GNB1: variants seen among roughly 807,000 people sequenced by gnomAD.
The protein encoded by GNB1 is G protein subunit beta 1.
GNB1 carries 2 observed loss-of-function variants against 42.9 expected under a neutral mutation model. The observed-to-expected ratio is 0.05, with a 90% CI of 0.02 to 0.15. The LOEUF is 0.15. GNB1 is among the 10% of genes least tolerant of loss of function. The pLI is 1.00. For synonymous variants in GNB1, 183 were observed against 174.7 expected, an observed-to-expected ratio of 1.05 and a Z score of -0.38; for missense variants, 193 against 462.2, an observed-to-expected ratio of 0.42 and a Z score of 5.34.
At chr1:1,886,925 G>A (rs1363946741) in intron 1 of GNB1, among the ~76,000 whole-genome samples, 2 of 152,150 alleles carry the variant, frequency 1.3e-5, no homozygotes, top group African/African-American at 4.8e-5. Context: ...GTGTTAGCCA[G>A]GGTGGTCTCG....
In GNB1 at chr1:1,785,736, ACTCCCTCTCC is replaced by A. The variant is rs1646396619; in HGVS notation, c.*1317_*1326del. 1.5e-5 allele frequency: 5 copies of A among 344,546 alleles called. No homozygotes were observed. Among genetic ancestry groups the A allele is most frequent in the Non-Finnish European group, 2.6e-5 (5 of 194,378 alleles). The allele number at this position is 344,546 out of a possible 1,614,324, so 21.3% of individuals were successfully genotyped here. A position where few individuals can be genotyped will look rare whatever the true frequency, so the allele number is the denominator to read the frequency against. ...ATCCATATAGGAGGGCAGGCTCTTC[ACTCCCTCTCC>A]CTCCCTCTCTCTCCCTCCCCACCCT... On this transcript the variant is annotated 3_prime_UTR_variant, in exon 12 of 12. Coordinates refer to ENST00000378609, the MANE Select transcript of GNB1 (RefSeq NM_002074.5).
At chr1:1,797,128 T>G (rs1029121704) in intron 7 of GNB1, among the ~76,000 whole-genome samples, 3 of 152,124 alleles carry the variant, frequency 2.0e-5, no homozygotes, top group African/African-American at 7.2e-5. Flanking sequence ...TGCAGCCCTG[T>G]GAGGAAACTT....
At chr1:1,796,933 A>G (rs374529270) in intron 7 of GNB1, among the ~76,000 whole-genome samples, 2 of 152,162 alleles carry the variant, frequency 1.3e-5, no homozygotes, top group East Asian at 3.8e-4. Context: ...CGTAGGAGAA[A>G]GATGGGCTCC....
intron 1 of GNB1, among the ~76,000 whole-genome samples, chr1:1,888,058 A>G (rs1650253155): frequency 6.6e-6 from 1 of 152,266 alleles, no homozygotes; most frequent in African/African-American, 2.4e-5. Flanking sequence ...AAGATATCAA[A>G]GAAAAAACAA....
chr1:1,811,575 A>C (rs1284579255), intron 5 of GNB1, among the ~76,000 whole-genome samples: 2 of 151,708 alleles, frequency 1.3e-5, no homozygotes, highest in Non-Finnish European at 2.9e-5. Context: ...GGGTGCCTGT[A>C]GTCCCAGCTA....
At chr1:1,869,347 C>T (rs1445868217) in intron 1 of GNB1, among the ~76,000 whole-genome samples, 1 of 152,062 alleles carries the variant, frequency 6.6e-6, no homozygotes, top group Non-Finnish European at 1.5e-5. Flanking sequence ...ATCCAAAAAA[C>T]AGAATTTCAC....
intron 1 of GNB1, among the ~76,000 whole-genome samples, chr1:1,886,929 G>T (rs998149129): frequency 2.6e-5 from 4 of 152,116 alleles, no homozygotes; most frequent in Non-Finnish European, 5.9e-5. Context: ...TAGCCAGGGT[G>T]GTCTCGATCT....
chr1:1,886,202 C>T (rs1454562950), intron 1 of GNB1, among the ~76,000 whole-genome samples: 1 of 152,004 alleles, frequency 6.6e-6, no homozygotes, highest in Non-Finnish European at 1.5e-5. Context: ...CCTGTAATCC[C>T]AGCTACTCGG....
intron 1 of GNB1, among the ~76,000 whole-genome samples, chr1:1,840,968 T>C (rs1388050631): frequency 1.3e-5 from 2 of 152,250 alleles, no homozygotes; most frequent in Non-Finnish European, 2.9e-5. Context: ...CTCAGTTCAC[T>C]GGAACCTCCG....
At chr1:1,830,354 G>C (rs920041938) in intron 2 of GNB1, among the ~76,000 whole-genome samples, 7 of 150,908 alleles carry the variant, frequency 4.6e-5, no homozygotes, top group African/African-American at 1.7e-4. Flanking sequence ...TCCACCTCCC[G>C]GGTTCACGCC....
chr1:1,842,899 C>G (rs536707043), intron 1 of GNB1, among the ~76,000 whole-genome samples: 1 of 152,216 alleles, frequency 6.6e-6, no homozygotes, highest in Non-Finnish European at 1.5e-5. Flanking sequence ...GGGGCAGGGT[C>G]CTATGAGCAT....
chr1:1,880,106 A>T (rs950956227), intron 1 of GNB1, among the ~76,000 whole-genome samples: 4 of 151,634 alleles, frequency 2.6e-5, no homozygotes, highest in Non-Finnish European at 5.9e-5. Context: ...TAATTTTCAA[A>T]TTTTTTTGTA....
At chr1:1,876,514 A>AGAGAGAGAGAGAGC (rs1491127351) in intron 1 of GNB1, among the ~76,000 whole-genome samples, 6 of 149,866 alleles carry the variant, frequency 4.0e-5, no homozygotes, top group African/African-American at 1.5e-4. Flanking sequence ...AGAGAGAGAG[A>AGAGAGAGAGAGAGC]GCGAGCGTGC....
chr1:1,845,824 TACACACACACACACACAC>T (rs55953457), intron 1 of GNB1, among the ~76,000 whole-genome samples: 25 of 140,358 alleles, frequency 1.8e-4, no homozygotes, highest in African/African-American at 4.0e-4. Flanking sequence ...TGTAAGTCCA[TACACACACACACACACAC>T]ACACACACAC....
intron 1 of GNB1, among the ~76,000 whole-genome samples, chr1:1,866,772 G>C (rs535121422): frequency 3.3e-5 from 5 of 151,582 alleles, no homozygotes; most frequent in Non-Finnish European, 7.4e-5. Context: ...GGCTAACACG[G>C]TGAAACCCCG....
At chr1:1,841,126 G>A (rs368831917) in intron 1 of GNB1, among the ~76,000 whole-genome samples, 1 of 151,980 alleles carries the variant, frequency 6.6e-6, no homozygotes, top group Non-Finnish European at 1.5e-5. Context: ...TCCTGACCTC[G>A]TGATCTGCCC....
At chr1:1,858,581 T>C (rs2101618991) in intron 1 of GNB1, among the ~76,000 whole-genome samples, 1 of 152,234 alleles carries the variant, frequency 6.6e-6, no homozygotes, top group African/African-American at 2.4e-5. Flanking sequence ...CATGGGAACA[T>C]ACTACCCCCA....
intron 1 of GNB1, among the ~76,000 whole-genome samples, chr1:1,848,245 G>A (rs564221218): frequency 9.2e-5 from 14 of 151,818 alleles, no homozygotes; most frequent in African/African-American, 3.1e-4. Flanking sequence ...CGGGCATGGT[G>A]GCGGGCGCCT....
intron 1 of GNB1, among the ~76,000 whole-genome samples, chr1:1,870,353 T>C (rs781640473): frequency 1.3e-4 from 20 of 152,178 alleles, no homozygotes; most frequent in Non-Finnish European, 2.9e-4. Flanking sequence ...TTTAAACTTT[T>C]TGTAGAGACA....
Sources: allele counts gnomAD v4.1 joint callset (sites outside exome capture counted in the v4.1 genomes callset), GRCh38; gene constraint gnomAD v4.1.1; transcripts MANE v1.5; gene names NCBI Gene and HGNC (gene_info 2026-07-23, HGNC 2026-07-21).